The following CDH15 variants were observed in gnomAD, a reference collection of about 807,000 sequenced individuals.
CDH15 encodes the protein cadherin-15.
A neutral mutation model predicts 69.4 loss-of-function variants in CDH15; 73 were observed. The ratio of observed to expected loss-of-function variants is 1.05; its 90% CI spans 0.87 to 1.28. The LOEUF (loss-of-function observed/expected upper bound fraction) is 1.28. Ranked by LOEUF, CDH15 falls within the 50% of genes most tolerant of loss-of-function variation. The pLI is 0.00. For synonymous variants in CDH15, 624 were observed against 507.7 expected, an observed-to-expected ratio of 1.23 and a Z score of -3.08; for missense variants, 1,343 against 1,133.6, an observed-to-expected ratio of 1.18 and a Z score of -2.65.
At position 89,188,255 on chromosome 16, in the gene CDH15, G is replaced by C; in HGVS notation, c.948G>C (p.Lys316Asn). ...AGTTCACCATCCGCACGGACCCCAAGACCAACGAGGGTGTTCTGTCCATTG... is the reference window on the plus strand; with the variant it reads ...AGTTCACCATCCGCACGGACCCCAACACCAACGAGGGTGTTCTGTCCATTG... ...DGQFTIRTDPKTNEGVLSIVK... is the reference protein window; with the variant it reads ...DGQFTIRTDPNTNEGVLSIVK... Residue 316 changes from lysine to asparagine, a missense_variant, in exon 7 of 14, where the codon AAG becomes AAC. Coordinates refer to ENST00000289746, the MANE Select transcript of CDH15 (RefSeq NM_004933.3). 6.2e-7 allele frequency: 1 copy of C among 1,613,502 alleles called. No individual in the cohort carries two copies.
chr16:89,192,494 C>T, intron 11 of CDH15, 50 bp downstream of exon 11: 2 of 1,547,610 alleles, frequency 1.3e-6, no homozygotes, highest in African/African-American at 1.4e-5. Flanking sequence ...TCGGACCCTC[C>T]TCCCCAGGCC....
At chr16:89,191,252 G>A (rs1915633158) in intron 8 of CDH15, 78 bp from the exon 9 acceptor site, 10 of 1,552,204 alleles carry the variant, frequency 6.4e-6, no homozygotes, top group Non-Finnish European at 8.9e-6. Flanking sequence ...TGCAGTGCAT[G>A]TCACGCACCC....
In CDH15 at chr16:89,173,287, G is replaced by T. The variant is rs765330742; in HGVS notation, c.42+1414G>T. On this transcript the variant is annotated intron_variant, in intron 1 of 13. Transcript: ENST00000289746. ...TTCTTCCCTGGCACCCCAACCCAGGGCATGGTGGTGGGGAGGCTGGCGCCT... is the reference window on the plus strand; with the variant it reads ...TTCTTCCCTGGCACCCCAACCCAGGTCATGGTGGTGGGGAGGCTGGCGCCT... Among the ~76,000 whole-genome samples the T allele has an allele frequency of 2.0e-5, 3 of 152,190 alleles. No homozygotes were observed. In the East Asian group the frequency reaches 5.8e-4, roughly 29 times the overall value.
chr16:89,171,856 C>A lies in CDH15; in HGVS notation c.25C>A (p.Leu9Ile). 1 of 1,559,590 alleles carries A rather than the reference C, an allele frequency of 6.4e-7. No individual in the cohort carries two copies. Among genetic ancestry groups the A allele is most frequent in the East Asian group, 2.4e-5 (1 of 41,796 alleles). Residue 9 changes from leucine to isoleucine, a missense_variant, in exon 1 of 14, where the codon CTC becomes ATC. Physicochemically the swap from Leu to Ile is conservative, Grantham distance 5. Coordinates refer to ENST00000289746, the MANE Select transcript of CDH15 (RefSeq NM_004933.3). MDAAFLLVLGLLAQSLCLS... is the reference protein window; with the variant it reads MDAAFLLVIGLLAQSLCLS... Reference sequence around the variant, plus strand: ...GATGGACGCCGCGTTCCTCCTCGTCCTCGGGCTGTTGGCCCAGGTAAGGCA... The same window carrying A: ...GATGGACGCCGCGTTCCTCCTCGTCATCGGGCTGTTGGCCCAGGTAAGGCA...
intron 2 of CDH15, among the ~76,000 whole-genome samples, 187 bp downstream of exon 2, chr16:89,179,761 C>T (rs372130898): frequency 1.3e-5 from 2 of 152,362 alleles, no homozygotes; most frequent in Admixed American, 6.5e-5. Flanking sequence ...TCAAACCCTC[C>T]CCATTGCCCC....
At chr16:89,182,298 C>T (rs1915397977) in intron 3 of CDH15, among the ~76,000 whole-genome samples, 1 of 129,462 alleles carries the variant, frequency 7.7e-6, no homozygotes, top group Non-Finnish European at 1.6e-5. Flanking sequence ...CCTGCCCTCT[C>T]CCAGCCTGCC....
In CDH15 at chr16:89,195,063, G is replaced by C. The variant is rs149307887; in HGVS notation, c.2353G>C (p.Gly785Arg). Reference sequence around the variant, plus strand: ...GGCAGACATGTATGGGCACCCGTGCGGGTTGGAGTACGGGGCCAGATGGGA... The same window carrying C: ...GGCAGACATGTATGGGCACCCGTGCCGGTTGGAGTACGGGGCCAGATGGGA... ...RLADMYGHPC[G>R]LEYGARWDHQ... Residue 785 changes from glycine (G) to arginine (R), a missense_variant, in exon 14 of 14, where the codon GGG becomes CGG. Transcript: ENST00000289746. 20 of 1,612,390 alleles carry C rather than the reference G, an allele frequency of 1.2e-5. No homozygotes were observed. The African/African-American group carries it at 2.1e-4, about 17-fold the overall frequency.
Position 89,186,384 on chromosome 16 carries a change from C to T in CDH15, c.664-1045C>T, listed in dbSNP as rs112402227. Reference sequence around the variant, plus strand: ...AGGTGCTCTGTAAAGGCTCACCCAGCGCACAGTAGGTGCTCTGTAAACGCT... The same window carrying T: ...AGGTGCTCTGTAAAGGCTCACCCAGTGCACAGTAGGTGCTCTGTAAACGCT... On this transcript the variant is annotated intron_variant, in intron 5 of 13. Transcript: ENST00000289746. Among the ~76,000 whole-genome samples, 566 of 137,856 alleles carry T rather than the reference C, an allele frequency of 4.1e-3. 6 individuals are homozygous for T. The highest frequency in any genetic ancestry group is 0.016 in the African/African-American group (542 of 34,952). The allele number at this position is 137,856 out of a possible 152,430, so 90.4% of individuals were successfully genotyped here.
chr16:89,183,384 A>C, intron 3 of CDH15, 164 bp from the exon 4 acceptor site: 1 of 747,554 alleles, frequency 1.3e-6, no homozygotes, highest in East Asian at 2.7e-5. Context: ...GGACGTCCTC[A>C]GTCACTGTGA....
chr16:89,183,193 A>T (rs900939136), intron 3 of CDH15: 10 of 211,170 alleles, frequency 4.7e-5, no homozygotes, highest in African/African-American at 2.3e-4. Context: ...AAAAAAAAAA[A>T]CAAAAAACAA....
Position 89,171,795 on chromosome 16 carries a change from G to T in CDH15, c.-37G>T. 1 of 1,543,030 alleles carries T rather than the reference G, an allele frequency of 6.5e-7. No individual in the cohort carries two copies. Reference sequence around the variant, plus strand: ...CAGCCTGGACGCGCTTCTTCGGGTCGCGGGTGCACTCCGGCCCGGCTCCCG... The same window carrying T: ...CAGCCTGGACGCGCTTCTTCGGGTCTCGGGTGCACTCCGGCCCGGCTCCCG... On this transcript the variant is annotated 5_prime_UTR_variant, in exon 1 of 14. Coordinates refer to ENST00000289746, the MANE Select transcript of CDH15 (RefSeq NM_004933.3).
chr16:89,193,445 C>A, intron 11 of CDH15, 25 bp from the exon 12 acceptor site: 1 of 1,594,054 alleles, frequency 6.3e-7, no homozygotes, highest in Non-Finnish European at 8.6e-7. Flanking sequence ...TGCCTGGCCC[C>A]AGCCTGCGTC....
At chr16:89,191,953 C>G in intron 10 of CDH15, 59 bp downstream of exon 10, 1 of 1,465,568 alleles carries the variant, frequency 6.8e-7, no homozygotes, top group Non-Finnish European at 9.2e-7. Flanking sequence ...CCCCCACATT[C>G]CGGCCTCGGA....
At chr16:89,185,521 C>A in intron 5 of CDH15, 188 bp downstream of exon 5, 1 of 736,534 alleles carries the variant, frequency 1.4e-6, no homozygotes, top group Non-Finnish European at 2.3e-6. Context: ...AGGAGCCGCG[C>A]TGGCCCGGGT....
At chr16:89,181,956 A>G (rs553784360) in intron 3 of CDH15, among the ~76,000 whole-genome samples, 1 of 151,526 alleles carries the variant, frequency 6.6e-6, no homozygotes, top group Non-Finnish European at 1.5e-5. Flanking sequence ...AAACAGAAGA[A>G]GAAAGAAGAA....
At chr16:89,171,909 T>G (rs1339738089) in intron 1 of CDH15, 36 bp downstream of exon 1, 1 of 1,534,590 alleles carries the variant, frequency 6.5e-7, no homozygotes. Context: ...CCCCGCTGCC[T>G]CCCTCGACGC....
intron 1 of CDH15, among the ~76,000 whole-genome samples, chr16:89,177,159 C>G (rs1462557304): frequency 6.6e-6 from 1 of 151,872 alleles, no homozygotes; most frequent in Non-Finnish European, 1.5e-5. Context: ...AGACGCCACA[C>G]CCTCACTACA....
Position 89,185,278 on chromosome 16 carries a change from G to T in CDH15, c.608G>T (p.Ser203Ile). Residue 203 changes from serine to isoleucine, a missense_variant, in exon 5 of 14, where the codon AGC (serine) becomes ATC (isoleucine). Coordinates refer to ENST00000289746, the MANE Select transcript of CDH15 (RefSeq NM_004933.3). ...CAGCAGGGCAGCCCCGAGCTCTTCA[G>T]CATCGACGAGCTCACAGGAGAGATC... ...ILQQGSPELF[S>I]IDELTGEIRT... 6.2e-7 allele frequency: 1 copy of T among 1,606,278 alleles called. No homozygotes were observed. Among genetic ancestry groups the T allele is most frequent in the Non-Finnish European group, 8.5e-7 (1 of 1,176,710 alleles).
rs186344601 is a variant in CDH15, at chr16:89,190,330, G to C, written c.1066G>C (p.Glu356Gln). The C allele has an allele frequency of 4.3e-6, 7 of 1,612,446 alleles. No individual in the cohort carries two copies. The East Asian group carries it at 1.1e-4, about 26-fold the overall frequency. ...GCTGCAGGCGGCTGCCCTTAGGGCT[G>C]AGCGGGGCCAGGCCAAGGTCCGCGT... ...APLQAAALRA[E>Q]RGQAKVRVHV... is the part of the protein sequence containing the mutation. Residue 356 changes from glutamate (E) to glutamine (Q), a missense_variant, in exon 8 of 14, where the codon GAG (glutamate) becomes CAG (glutamine). Coordinates refer to ENST00000289746, the MANE Select transcript of CDH15 (RefSeq NM_004933.3).
Sources: gnomAD v4.1 joint callset for allele counts (sites outside exome capture counted in the v4.1 genomes callset) on GRCh38, gnomAD v4.1.1 for gene constraint, MANE v1.5 for transcripts, NCBI Gene and HGNC (gene_info 2026-07-23, HGNC 2026-07-21) for gene names.